AGBL4: variants seen among roughly 807,000 people sequenced by gnomAD.
The protein encoded by AGBL4 is AGBL carboxypeptidase 4.
In AGBL4, 58 loss-of-function variants were observed where a neutral mutation model predicts 66.4. The observed-to-expected ratio is 0.87, with a 90% confidence interval of 0.71 to 1.09. The LOEUF is 1.09. Among genes scored for constraint, AGBL4 ranks in the 50% least tolerant of loss-of-function variants. The pLI is 0.00. For synonymous variants in AGBL4, 234 were observed against 222.9 expected (o/e 1.05, Z -0.44); for missense variants, 579 against 631.0 (o/e 0.92, Z 0.88).
At chr1:49,651,902 T>C (rs556709324) in intron 3 of AGBL4, among the ~76,000 whole-genome samples, 3 of 152,144 alleles carry the variant, frequency 2.0e-5, no homozygotes, top group African/African-American at 4.8e-5. Flanking sequence ...ATTCAAAATA[T>C]ATATTGTAAG....
At chr1:49,371,817 CTGTGTGTGTGTGTGTGTGTGTG>C (rs55882947) in intron 3 of AGBL4, among the ~76,000 whole-genome samples, 25 of 139,976 alleles carry the variant, frequency 1.8e-4, no homozygotes, top group Admixed American at 1.0e-3. Flanking sequence ...TTTTCAAACT[CTGTGTGTGTGTGTGTGTGTGTG>C]TGTGTGTGTG....
intron 1 of AGBL4, among the ~76,000 whole-genome samples, chr1:50,010,899 T>C (rs1307885464): frequency 1.3e-5 from 2 of 152,152 alleles, no homozygotes. Flanking sequence ...CTCCAGGACA[T>C]TGGACTGGGC....
chr1:49,524,090 G>A (rs1431145752), intron 3 of AGBL4, among the ~76,000 whole-genome samples: 2 of 152,042 alleles, frequency 1.3e-5, no homozygotes, highest in Admixed American at 6.6e-5. Flanking sequence ...GGTACAGTAA[G>A]TATATTATGC....
intron 1 of AGBL4, among the ~76,000 whole-genome samples, chr1:49,965,987 G>A (rs1657527608): frequency 6.7e-6 from 1 of 149,882 alleles, no homozygotes; most frequent in Non-Finnish European, 1.5e-5. Flanking sequence ...TGTCACCCAG[G>A]CTGGAGTGCA....
At chr1:48,740,400 C>T (rs1186735711) in intron 6 of AGBL4, among the ~76,000 whole-genome samples, 1 of 152,188 alleles carries the variant, frequency 6.6e-6, no homozygotes, top group Non-Finnish European at 1.5e-5. Flanking sequence ...TGTTTCCCTA[C>T]CCATACTATG....
chr1:48,693,869 G>C (rs1570272923), intron 6 of AGBL4, among the ~76,000 whole-genome samples: 1 of 152,020 alleles, frequency 6.6e-6, no homozygotes, highest in East Asian at 1.9e-4. Context: ...CTCCTGCCGG[G>C]TACTGGGCAG....
At chr1:49,316,251 G>A (rs1302848694) in intron 3 of AGBL4, among the ~76,000 whole-genome samples, 4 of 151,976 alleles carry the variant, frequency 2.6e-5, no homozygotes. Flanking sequence ...GAATCCTAAT[G>A]TAACAATGGA....
chr1:48,535,205 T>A (rs1240483875), intron 12 of AGBL4, among the ~76,000 whole-genome samples: 1 of 151,930 alleles, frequency 6.6e-6, no homozygotes, highest in Non-Finnish European at 1.5e-5. Context: ...CAAAAAGCCA[T>A]CAACCAAAGA....
intron 5 of AGBL4, among the ~76,000 whole-genome samples, chr1:48,899,375 C>T (rs1478249730): frequency 1.3e-5 from 2 of 151,480 alleles, no homozygotes; most frequent in Admixed American, 1.3e-4. Flanking sequence ...TAAACAGTTG[C>T]TTGAATAAAA....
intron 6 of AGBL4, among the ~76,000 whole-genome samples, chr1:48,833,095 C>A (rs1170649474): frequency 6.6e-6 from 1 of 152,096 alleles, no homozygotes; most frequent in Admixed American, 6.5e-5. Context: ...ATCTACAGAA[C>A]CCTAAGTAGT....
intron 1 of AGBL4, among the ~76,000 whole-genome samples, chr1:49,886,955 C>T (rs1648099122): frequency 6.6e-6 from 1 of 151,898 alleles, no homozygotes; most frequent in African/African-American, 2.4e-5. Flanking sequence ...CAAATTGTGG[C>T]CTATCAAAGG....
At chr1:49,664,932 C>T (rs1269778092) in intron 3 of AGBL4, among the ~76,000 whole-genome samples, 1 of 152,048 alleles carries the variant, frequency 6.6e-6, no homozygotes, top group East Asian at 1.9e-4. Flanking sequence ...AGAAGCATCT[C>T]CTTCATGCCA....
intron 5 of AGBL4, among the ~76,000 whole-genome samples, chr1:48,974,206 TA>T (rs1353380899): frequency 6.6e-6 from 1 of 152,094 alleles, no homozygotes; most frequent in African/African-American, 2.4e-5. Flanking sequence ...AGTGCAGTTC[TA>T]AGGAAAGATA....
intron 9 of AGBL4, among the ~76,000 whole-genome samples, chr1:48,601,559 A>G (rs527746885): frequency 2.0e-5 from 3 of 152,316 alleles, no homozygotes; most frequent in Non-Finnish European, 2.9e-5. Flanking sequence ...ACAAGCTTAC[A>G]TATATGTACA....
intron 6 of AGBL4, among the ~76,000 whole-genome samples, chr1:48,785,986 C>A (rs1345483479): frequency 1.3e-5 from 2 of 151,790 alleles, no homozygotes; most frequent in Admixed American, 1.3e-4. Context: ...TTCACAAGTC[C>A]TCATAGGGCC....
chr1:49,054,025 A>G (rs1644266796), intron 4 of AGBL4, among the ~76,000 whole-genome samples: 1 of 152,158 alleles, frequency 6.6e-6, no homozygotes, highest in African/African-American at 2.4e-5. Context: ...GATTGAAATT[A>G]TTCTAGAACA....
At chr1:49,032,992 A>C (rs1470250381) in intron 5 of AGBL4, among the ~76,000 whole-genome samples, 1 of 152,060 alleles carries the variant, frequency 6.6e-6, no homozygotes, top group Non-Finnish European at 1.5e-5. Context: ...TCCTTTATCT[A>C]GCAGAGGGAG....
chr1:49,258,206 A>C (rs960084816), intron 3 of AGBL4, among the ~76,000 whole-genome samples: 1 of 152,204 alleles, frequency 6.6e-6, no homozygotes, highest in African/African-American at 2.4e-5. Flanking sequence ...AAGATGAGGA[A>C]AAAACAGAGC....
At chr1:48,992,027 G>A (rs1452461302) in intron 5 of AGBL4, among the ~76,000 whole-genome samples, 1 of 152,128 alleles carries the variant, frequency 6.6e-6, no homozygotes, top group Non-Finnish European at 1.5e-5. Flanking sequence ...TGTTTTCCTG[G>A]ATGATCTTGA....
Sources: gnomAD v4.1 joint callset for allele counts (sites outside exome capture counted in the v4.1 genomes callset) on GRCh38, gnomAD v4.1.1 for gene constraint, MANE v1.5 for transcripts, NCBI Gene and HGNC (gene_info 2026-07-23, HGNC 2026-07-21) for gene names.